ARHGAP20: variants seen among roughly 807,000 people sequenced by gnomAD.
ARHGAP20 encodes Rho GTPase activating protein 20.
A neutral mutation model predicts 73.7 loss-of-function variants in ARHGAP20; 34 were observed. That is an observed-to-expected ratio of 0.46 (90% confidence interval 0.35 to 0.61). The LOEUF is 0.61. Ranked by LOEUF, ARHGAP20 falls within the 20% of genes least tolerant of loss-of-function variation. The probability of loss-of-function intolerance (pLI) is 0.00; values close to 1 mark genes in which losing one functional copy is unlikely to be tolerated. For missense variants in ARHGAP20, 1,314 were observed against 1,420.9 expected (o/e 0.92, Z 1.21); for synonymous variants, 523 against 518.2 (o/e 1.01, Z -0.13).
intron 6 of ARHGAP20, 82 bp from the exon 7 acceptor site, chr11:110,611,468 TCGAAAGGCAAATA>T: frequency 8.8e-6 from 6 of 683,098 alleles, no homozygotes; most frequent in African/African-American, 1.9e-5. Flanking sequence ...CAAATGATTA[TCGAAAGGCAAATA>T]TTGATTTCAA....
chr11:110,638,510 T>C (rs540715712), intron 2 of ARHGAP20, among the ~76,000 whole-genome samples: 1 of 152,000 alleles, frequency 6.6e-6, no homozygotes, highest in East Asian at 1.9e-4. Context: ...CACACCCAAG[T>C]TGGCAGTGAG....
intron 12 of ARHGAP20, among the ~76,000 whole-genome samples, chr11:110,584,972 AATATATATGTGAAAATAT>A (rs1947601149): frequency 1.4e-5 from 2 of 145,950 alleles, no homozygotes; most frequent in South Asian, 2.1e-4. Flanking sequence ...TGAATATATG[AATATATATGTGAAAATAT>A]ATATGAATAT....
At chr11:110,668,443 G>C (rs1365017319) in intron 2 of ARHGAP20, among the ~76,000 whole-genome samples, 1 of 152,094 alleles carries the variant, frequency 6.6e-6, no homozygotes, top group East Asian at 1.9e-4. Context: ...GAGCCAAGGA[G>C]GTTGCAACTA....
At chr11:110,625,831 T>A (rs1470201802) in intron 3 of ARHGAP20, among the ~76,000 whole-genome samples, 1 of 152,150 alleles carries the variant, frequency 6.6e-6, no homozygotes, top group African/African-American at 2.4e-5. Flanking sequence ...TCAGACCCAT[T>A]TGTGTAAATA....
chr11:110,600,029 G>T (rs1283764199), intron 9 of ARHGAP20, among the ~76,000 whole-genome samples: 1 of 152,208 alleles, frequency 6.6e-6, no homozygotes, highest in Non-Finnish European at 1.5e-5. Context: ...TGCCCCCTGT[G>T]GGTCTCCTCT....
chr11:110,644,781 A>T (rs573644857), intron 2 of ARHGAP20, among the ~76,000 whole-genome samples: 1 of 152,244 alleles, frequency 6.6e-6, no homozygotes, highest in East Asian at 1.9e-4. Flanking sequence ...AAAAACAAAA[A>T]CTGTCAAGTG....
Position 110,673,727 on chromosome 11 carries a change from G to A in ARHGAP20, c.188+16820C>T, listed in dbSNP as rs1316302574. Among the ~76,000 whole-genome samples, 5 of 152,230 alleles carry A rather than the reference G, an allele frequency of 3.3e-5. No individual in the cohort carries two copies. In the East Asian group the frequency reaches 9.7e-4, roughly 29 times the overall value. ...ATGATCTCTGATCTGTCCACATGGA[G>A]CCAGAACAGACAGAACCTTATGGCC... On this transcript the variant is annotated intron_variant, in intron 2 of 14. Coordinates refer to ENST00000683387, the MANE Select transcript of ARHGAP20 (RefSeq NM_001384657.1).
At chr11:110,621,922 C>T (rs1032711393) in intron 4 of ARHGAP20, among the ~76,000 whole-genome samples, 4 of 152,208 alleles carry the variant, frequency 2.6e-5, no homozygotes, top group African/African-American at 9.7e-5. Flanking sequence ...AAGCTACAAA[C>T]TCTATTTCAT....
At chr11:110,642,970 CT>C (rs1349241625) in intron 2 of ARHGAP20, among the ~76,000 whole-genome samples, 1 of 151,984 alleles carries the variant, frequency 6.6e-6, no homozygotes, top group African/African-American at 2.4e-5. Context: ...ACTCATTGGT[CT>C]GCTCAGCGTT....
At chr11:110,690,911 A>G in intron 1 of ARHGAP20, 1 of 1,263,896 alleles carries the variant, frequency 7.9e-7, no homozygotes, top group Non-Finnish European at 1.1e-6. Flanking sequence ...AAACACCATC[A>G]TAACCATTAT....
chr11:110,707,084 G>A (rs1950563902), intron 1 of ARHGAP20, among the ~76,000 whole-genome samples: 2 of 152,112 alleles, frequency 1.3e-5, no homozygotes, highest in South Asian at 4.1e-4. Context: ...GAAAGGAAAG[G>A]CAGAATGAAG....
At position 110,583,540 on chromosome 11, in the gene ARHGAP20, T is replaced by C. The variant is rs1367266485; in HGVS notation, c.1605+8A>G. On this transcript the variant is annotated splice_region_variant and intron_variant, in intron 13 of 14. Coordinates refer to ENST00000683387, the MANE Select transcript of ARHGAP20 (RefSeq NM_001384657.1). ...CTCCCAGGGCATAAAAATGAAAAAC[T>C]TCATTACCTTTTTTGTAAATTCGTT... is the stretch of plus-strand genomic sequence containing the variant. 6.3e-7 allele frequency: 1 copy of C among 1,586,470 alleles called. No individual in the cohort carries two copies. The highest frequency in any genetic ancestry group is 1.7e-4 in the Middle Eastern group (1 of 5,966).
intron 2 of ARHGAP20, among the ~76,000 whole-genome samples, chr11:110,682,365 G>T (rs1351695360): frequency 1.3e-5 from 2 of 152,114 alleles, no homozygotes; most frequent in Non-Finnish European, 2.9e-5. Flanking sequence ...AAAATCCTAT[G>T]AGGTAGGTAT....
chr11:110,674,557 C>T (rs1949894357), intron 2 of ARHGAP20, among the ~76,000 whole-genome samples: 2 of 151,968 alleles, frequency 1.3e-5, no homozygotes, highest in South Asian at 2.1e-4. Context: ...ATAAAATTAC[C>T]CTCAGGCTAC....
intron 2 of ARHGAP20, among the ~76,000 whole-genome samples, chr11:110,657,279 G>T (rs1480212738): frequency 6.6e-6 from 1 of 152,088 alleles, no homozygotes; most frequent in East Asian, 1.9e-4. Context: ...CCACAGAAAG[G>T]AAATATAAAG....
In ARHGAP20 at chr11:110,578,915, G is replaced by T; in HGVS notation, c.*455C>A. 3.0e-6 allele frequency: 3 copies of T among 987,336 alleles called. No individual in the cohort carries two copies. The highest frequency in any genetic ancestry group is 3.6e-6 in the Non-Finnish European group (3 of 831,146). The allele number at this position is 987,336 out of a possible 1,614,324, so 61.2% of individuals were successfully genotyped here. The stretch of plus-strand genomic sequence containing the variant: ...CATTACTGGACACACTTAATGCTTT[G>T]ATTAGTGGCATTTTTCTTGCCTACT... On this transcript the variant is annotated 3_prime_UTR_variant, in exon 15 of 15. Transcript: ENST00000683387.
chr11:110,663,794 C>T (rs949586722), intron 2 of ARHGAP20, among the ~76,000 whole-genome samples: 3 of 151,990 alleles, frequency 2.0e-5, no homozygotes, highest in African/African-American at 2.4e-5. Flanking sequence ...AGACATTATA[C>T]CAAAAGAAAA....
At chr11:110,612,407 G>A (rs1279828444) in intron 6 of ARHGAP20, among the ~76,000 whole-genome samples, 8 of 151,080 alleles carry the variant, frequency 5.3e-5, no homozygotes, top group Middle Eastern at 3.4e-3. Context: ...CAGCCTGGGC[G>A]ACAGAGCGAG....
chr11:110,591,865 G>A (rs1947836301), intron 10 of ARHGAP20, 112 bp downstream of exon 10: 1 of 1,119,206 alleles, frequency 8.9e-7, no homozygotes, highest in Non-Finnish European at 1.3e-6. Context: ...AAGATTCTTA[G>A]CCAAAGACAG....
Sources: gnomAD v4.1 joint callset for allele counts (sites outside exome capture counted in the v4.1 genomes callset) on GRCh38, gnomAD v4.1.1 for gene constraint, MANE v1.5 for transcripts, NCBI Gene and HGNC (gene_info 2026-07-23, HGNC 2026-07-21) for gene names.